Variants in RBFOX1 observed in about 807,000 individuals in gnomAD.
RBFOX1 encodes RNA binding fox-1 homolog 1.
RBFOX1 carries 8 observed loss-of-function variants against 57.7 expected under a neutral mutation model. That is an observed-to-expected ratio of 0.14 (90% confidence interval 0.08 to 0.25). RBFOX1 has a LOEUF of 0.25. Ranked by LOEUF, RBFOX1 falls within the 10% of genes least tolerant of loss-of-function variation. The pLI is 1.00. For missense variants in RBFOX1, 611 were observed against 548.5 expected, an observed-to-expected ratio of 1.11 and a Z score of -1.14; for synonymous variants, 326 against 222.4, an observed-to-expected ratio of 1.47 and a Z score of -4.15.
At chr16:6,623,726 A>C (rs2154047792) in intron 2 of RBFOX1, among the ~76,000 whole-genome samples, 1 of 152,182 alleles carries the variant, frequency 6.6e-6, no homozygotes, top group African/African-American at 2.4e-5. Context: ...TAGTTTGCTG[A>C]GAATGATGGT....
At chr16:5,908,349 TG>T in intron 4 of RBFOX1, among the ~76,000 whole-genome samples, 2 of 80,960 alleles carry the variant, frequency 2.5e-5, no homozygotes, top group Admixed American at 1.5e-4. Context: ...TGTGTGTGTG[TG>T]TGTCTGTGTG....
chr16:6,352,162 C>T (rs2086527199), intron 2 of RBFOX1, among the ~76,000 whole-genome samples: 1 of 152,134 alleles, frequency 6.6e-6, no homozygotes, highest in Non-Finnish European at 1.5e-5. Context: ...ATCTCAAGTC[C>T]CAGACCTCCC....
chr16:5,664,827 T>C (rs1184986259), intron 3 of RBFOX1, among the ~76,000 whole-genome samples: 1 of 152,192 alleles, frequency 6.6e-6, no homozygotes, highest in Non-Finnish European at 1.5e-5. Flanking sequence ...CTCTGGCTTC[T>C]CATTGTTCTC....
chr16:5,518,312 T>G (rs530971425), intron 2 of RBFOX1, among the ~76,000 whole-genome samples: 2 of 152,064 alleles, frequency 1.3e-5, no homozygotes, highest in African/African-American at 4.8e-5. Flanking sequence ...GTTTGCCACA[T>G]GAAAGCCCCA....
chr16:7,697,102 T>G (rs74011859), intron 14 of RBFOX1, among the ~76,000 whole-genome samples: 3,741 of 152,260 alleles, frequency 0.025, 152 homozygotes, highest in African/African-American at 0.08. Flanking sequence ...AATGATCAGA[T>G]AAGACTGCTT....
In RBFOX1 at chr16:5,425,673, A is replaced by G. The variant is rs1228320398; in HGVS notation, c.220-41543A>G. 2.6e-5 allele frequency among the ~76,000 whole-genome samples: 4 copies of G among 152,192 alleles called. 1 individual carries two copies. The South Asian group carries it at 8.3e-4, about 32-fold the overall frequency. ...CTGAGCAGGGCCAGATTTGTGGAGA[A>G]GAAGGGGTGGTGCAGGGGCAGGGGA... On this transcript the variant is annotated intron_variant, in intron 1 of 2. Transcript: ENST00000585867.
chr16:6,942,069 AAAT>A (rs963359622), intron 3 of RBFOX1, among the ~76,000 whole-genome samples: 4 of 152,176 alleles, frequency 2.6e-5, no homozygotes, highest in East Asian at 1.9e-4. Context: ...TCTTTACTAA[AAAT>A]AATAATAATA....
At chr16:6,623,124 T>C (rs984863886) in intron 2 of RBFOX1, among the ~76,000 whole-genome samples, 3 of 152,132 alleles carry the variant, frequency 2.0e-5, no homozygotes, top group African/African-American at 7.2e-5. Flanking sequence ...AACATATGGG[T>C]GGACTGGCAC....
intron 3 of RBFOX1, among the ~76,000 whole-genome samples, chr16:6,943,164 T>C (rs977287358): frequency 2.0e-5 from 3 of 152,162 alleles, no homozygotes; most frequent in African/African-American, 7.2e-5. Context: ...CTACCAGCTC[T>C]CCACTCTCCA....
At chr16:6,785,667 C>T (rs77748002) in intron 3 of RBFOX1, among the ~76,000 whole-genome samples, 1,620 of 152,238 alleles carry the variant, frequency 0.011, 40 homozygotes, top group African/African-American at 0.037. Context: ...TTCCACGTTC[C>T]ATGTACCATG....
intron 3 of RBFOX1, among the ~76,000 whole-genome samples, chr16:6,902,801 A>T (rs1320683688): frequency 6.6e-6 from 1 of 152,084 alleles, no homozygotes; most frequent in Non-Finnish European, 1.5e-5. Flanking sequence ...GAACCAAATA[A>T]AGCTTTAACA....
chr16:7,109,084 G>A (rs986625615), intron 4 of RBFOX1, among the ~76,000 whole-genome samples: 2 of 152,114 alleles, frequency 1.3e-5, no homozygotes, highest in African/African-American at 4.8e-5. Flanking sequence ...TGATGAGCAG[G>A]GGAGTGAGGA....
intron 2 of RBFOX1, among the ~76,000 whole-genome samples, chr16:6,632,020 C>G (rs189499411): frequency 1.3e-5 from 2 of 152,184 alleles, no homozygotes; most frequent in Admixed American, 1.3e-4. Context: ...AGAAATCACA[C>G]TCTATTTGGA....
At chr16:6,918,140 T>C (rs2073659291) in intron 3 of RBFOX1, among the ~76,000 whole-genome samples, 2 of 151,906 alleles carry the variant, frequency 1.3e-5, no homozygotes, top group African/African-American at 4.8e-5. Flanking sequence ...ATGCAGAAAT[T>C]AGCTGGGTAT....
intron 1 of RBFOX1, among the ~76,000 whole-genome samples, chr16:6,020,494 T>G (rs926981834): frequency 6.6e-6 from 1 of 152,116 alleles, no homozygotes; most frequent in Non-Finnish European, 1.5e-5. Flanking sequence ...GGCTCACTTA[T>G]GTGGAGAAAG....
At chr16:7,695,542 A>G (rs770989746) in intron 14 of RBFOX1, among the ~76,000 whole-genome samples, 17 of 151,732 alleles carry the variant, frequency 1.1e-4, no homozygotes, top group Admixed American at 3.9e-4. Flanking sequence ...AATCCCAACT[A>G]CTCAGGAGAC....
At chr16:5,531,392 A>T (rs1344715102) in intron 2 of RBFOX1, among the ~76,000 whole-genome samples, 1 of 152,168 alleles carries the variant, frequency 6.6e-6, no homozygotes, top group Non-Finnish European at 1.5e-5. Flanking sequence ...CGATCTTTAA[A>T]GTTTGGTTGT....
In RBFOX1 at chr16:7,461,177, T is replaced by G. The variant is rs2059516630; in HGVS notation, c.28-56970T>G. ...GATGAAAAAACAAAGGCAAAACAAT[T>G]TTTTTTTTTTTGAGACAGTCTCACC... is the stretch of plus-strand genomic sequence containing the variant. On this transcript the variant is annotated intron_variant, in intron 4 of 15. Coordinates refer to ENST00000550418, the MANE Select transcript of RBFOX1 (RefSeq NM_018723.4). Among the ~76,000 whole-genome samples the G allele has an allele frequency of 2.0e-5, 3 of 149,234 alleles. No homozygotes were observed. In the South Asian group the frequency reaches 6.3e-4, roughly 32 times the overall value.
At chr16:6,734,555 T>G (rs896084458) in intron 3 of RBFOX1, among the ~76,000 whole-genome samples, 6 of 142,714 alleles carry the variant, frequency 4.2e-5, no homozygotes, top group African/African-American at 1.3e-4. Flanking sequence ...AACTAGGAGT[T>G]CAGTCCATGT....
Sources: allele counts gnomAD v4.1 joint callset (sites outside exome capture counted in the v4.1 genomes callset), GRCh38; gene constraint gnomAD v4.1.1; transcripts MANE v1.5; gene names NCBI Gene and HGNC (gene_info 2026-07-23, HGNC 2026-07-21).